PAK1: variants seen among roughly 807,000 people sequenced by gnomAD.
The protein encoded by PAK1 is serine/threonine-protein kinase PAK 1.
In PAK1, 29 loss-of-function variants were observed where a neutral mutation model predicts 67.4. That is an observed-to-expected ratio of 0.43 (90% CI 0.32 to 0.59). The LOEUF (loss-of-function observed/expected upper bound fraction) is 0.59. Among genes scored for constraint, PAK1 ranks in the 20% least tolerant of loss-of-function variants. The pLI is 0.07. For synonymous variants in PAK1, 223 were observed against 237.4 expected (o/e 0.94, Z 0.56); for missense variants, 337 against 670.7 (o/e 0.50, Z 5.50).
intron 4 of PAK1, among the ~76,000 whole-genome samples, chr11:77,378,250 G>A (rs1949358413): frequency 6.6e-6 from 1 of 152,202 alleles, no homozygotes; most frequent in Non-Finnish European, 1.5e-5. Context: ...CGCTGTGGAA[G>A]GAGAGCCTCC....
chr11:77,470,609 C>G (rs1201536633), intron 1 of PAK1, among the ~76,000 whole-genome samples: 1 of 152,092 alleles, frequency 6.6e-6, no homozygotes, highest in African/African-American at 2.4e-5. Context: ...GTGAAAGAAA[C>G]AAAGCATTTT....
intron 1 of PAK1, among the ~76,000 whole-genome samples, chr11:77,414,335 A>G (rs1954832097): frequency 6.6e-6 from 1 of 152,262 alleles, no homozygotes; most frequent in Admixed American, 6.5e-5. Flanking sequence ...ATGGTTTAGT[A>G]TGGTGGCTTT....
the PAK1 span, among the ~76,000 whole-genome samples, chr11:77,490,203 C>T: frequency 1.3e-5 from 2 of 150,628 alleles, no homozygotes; most frequent in African/African-American, 4.9e-5. Flanking sequence ...AAATGAGGAG[C>T]CCCTCCGCCC....
intron 5 of PAK1, among the ~76,000 whole-genome samples, chr11:77,369,397 AT>A (rs1200222250): frequency 2.7e-5 from 4 of 145,824 alleles, no homozygotes; most frequent in African/African-American, 1.0e-4. Flanking sequence ...TATATTATTA[AT>A]TCCCTATTCA....
At chr11:77,444,052 CCA>C (rs1243970899) in intron 1 of PAK1, among the ~76,000 whole-genome samples, 1 of 152,066 alleles carries the variant, frequency 6.6e-6, no homozygotes, top group African/African-American at 2.4e-5. Context: ...AAAAAGAATT[CCA>C]GTGACTTACC....
At chr11:77,378,369 A>C (rs555862797) in intron 4 of PAK1, among the ~76,000 whole-genome samples, 163 of 152,314 alleles carry the variant, frequency 1.1e-3, no homozygotes, top group South Asian at 4.6e-3. Context: ...TGAAAAATAT[A>C]GTCCCTTCTA....
At chr11:77,522,494 A>G in the PAK1 span, among the ~76,000 whole-genome samples, 1 of 152,234 alleles carries the variant, frequency 6.6e-6, no homozygotes, top group Admixed American at 6.5e-5. Context: ...TAATCATTGG[A>G]GAAATGCAGA....
intron 2 of PAK1, among the ~76,000 whole-genome samples, chr11:77,380,510 T>C (rs1949674533): frequency 6.6e-6 from 1 of 151,692 alleles, no homozygotes; most frequent in Non-Finnish European, 1.5e-5. Context: ...CAAAAAACAA[T>C]AAAATAAAGG....
At chr11:77,330,978 T>C (rs1941370595) in intron 14 of PAK1, among the ~76,000 whole-genome samples, 1 of 152,094 alleles carries the variant, frequency 6.6e-6, no homozygotes, top group Non-Finnish European at 1.5e-5. Context: ...GGGCGAAGGA[T>C]ATGAACAGAC....
At chr11:77,494,408 T>G in the PAK1 span, among the ~76,000 whole-genome samples, 1 of 152,080 alleles carries the variant, frequency 6.6e-6, no homozygotes. Flanking sequence ...ATTTAAACAT[T>G]TTTCTTTAGA....
intron 2 of PAK1, among the ~76,000 whole-genome samples, chr11:77,387,233 C>A (rs779582783): frequency 5.9e-5 from 9 of 151,870 alleles, no homozygotes. Flanking sequence ...CCACCACAAC[C>A]GGCTAATTTC....
At chr11:77,496,936 T>A in the PAK1 span, among the ~76,000 whole-genome samples, 7 of 151,786 alleles carry the variant, frequency 4.6e-5, no homozygotes, top group Non-Finnish European at 7.4e-5. Context: ...CCAAAAAAAA[T>A]AAAAATAAAA....
intron 13 of PAK1, among the ~76,000 whole-genome samples, chr11:77,334,186 A>T (rs1210578595): frequency 6.8e-6 from 1 of 146,396 alleles, no homozygotes; most frequent in African/African-American, 2.5e-5. Context: ...AAAATAAAAT[A>T]AAAATAAAAA....
intron 14 of PAK1, among the ~76,000 whole-genome samples, chr11:77,324,301 T>C (rs1462761469): frequency 6.6e-6 from 1 of 150,442 alleles, no homozygotes; most frequent in Admixed American, 6.7e-5. Context: ...ACCTCCCGAA[T>C]AGCTGGGACT....
chr11:77,381,366 A>C (rs2137134313), intron 2 of PAK1, among the ~76,000 whole-genome samples: 1 of 152,346 alleles, frequency 6.6e-6, no homozygotes, highest in South Asian at 2.1e-4. Context: ...AGTTTTAAAT[A>C]GGTATTTCAT....
the PAK1 span, among the ~76,000 whole-genome samples, chr11:77,519,070 C>T: frequency 6.2e-4 from 95 of 152,210 alleles, no homozygotes; most frequent in Non-Finnish European, 1.0e-3. Context: ...GCTACCAACA[C>T]ACCTAACAAA....
intron 1 of PAK1, among the ~76,000 whole-genome samples, chr11:77,393,673 C>T (rs1951450523): frequency 6.6e-6 from 1 of 152,160 alleles, no homozygotes; most frequent in African/African-American, 2.4e-5. Flanking sequence ...GGCAAAATCT[C>T]CACTACTTCT....
chr11:77,360,023 T>C (rs1030640675), intron 5 of PAK1, among the ~76,000 whole-genome samples: 1 of 152,168 alleles, frequency 6.6e-6, no homozygotes, highest in African/African-American at 2.4e-5. Context: ...AGATGGTCCA[T>C]GTCCTAAAGT....
chr11:77,460,253 TCAGC>T (rs895128056), intron 1 of PAK1, among the ~76,000 whole-genome samples: 4 of 136,742 alleles, frequency 2.9e-5, no homozygotes, highest in South Asian at 2.4e-4. Flanking sequence ...AGGGAGGGAG[TCAGC>T]CAGCCAGCCA....
Sources: gnomAD v4.1 joint callset for allele counts (sites outside exome capture counted in the v4.1 genomes callset) on GRCh38, gnomAD v4.1.1 for gene constraint, MANE v1.5 for transcripts, NCBI Gene and HGNC (gene_info 2026-07-23, HGNC 2026-07-21) for gene names.